EYS: variants seen among roughly 807,000 people sequenced by gnomAD.
EYS encodes EGF-like photoreceptor maintenance factor, also known as protein eyes shut homolog.
Under a neutral mutation model 282.1 loss-of-function variants are expected in EYS, and 250 were observed. The ratio of observed to expected loss-of-function variants is 0.89; its 90% CI spans 0.80 to 0.98. The LOEUF is 0.98. Ranked by LOEUF, EYS falls within the 50% of genes least tolerant of loss-of-function variation. The probability of loss-of-function intolerance (pLI) is 0.00; values close to 1 mark genes in which losing one functional copy is unlikely to be tolerated. For missense variants in EYS, 4,016 were observed against 3,709.0 expected, an observed-to-expected ratio of 1.08 and a Z score of -2.15; for synonymous variants, 1,355 against 1,282.9, an observed-to-expected ratio of 1.06 and a Z score of -1.20.
intron 12 of EYS, among the ~76,000 whole-genome samples, chr6:65,096,973 CA>C (rs1297385886): frequency 6.7e-6 from 1 of 150,230 alleles, no homozygotes; most frequent in East Asian, 1.9e-4. Flanking sequence ...AAAGAACAGC[CA>C]AAACAATAGC....
chr6:64,186,383 T>A (rs1764947840), intron 31 of EYS, among the ~76,000 whole-genome samples: 1 of 152,108 alleles, frequency 6.6e-6, no homozygotes, highest in Non-Finnish European at 1.5e-5. Context: ...TTGCAACTTC[T>A]TTGTTACATT....
At chr6:65,312,770 C>T (rs1769194919) in intron 11 of EYS, among the ~76,000 whole-genome samples, 1 of 152,178 alleles carries the variant, frequency 6.6e-6, no homozygotes, top group South Asian at 2.1e-4. Flanking sequence ...AACATGGGGG[C>T]AGAGCTTCAA....
intron 15 of EYS, among the ~76,000 whole-genome samples, chr6:64,924,189 C>T (rs1004805473): frequency 2.6e-5 from 4 of 152,184 alleles, no homozygotes; most frequent in Non-Finnish European, 5.9e-5. Context: ...ACTTCTGTGC[C>T]CCCAGAGGCT....
At chr6:63,941,550 A>T (rs1252684191) in intron 35 of EYS, among the ~76,000 whole-genome samples, 1 of 152,056 alleles carries the variant, frequency 6.6e-6, no homozygotes, top group East Asian at 1.9e-4. Context: ...TTTCTTGTAA[A>T]TTTGTTTAAG....
chr6:64,776,266 T>C (rs1045454406), intron 22 of EYS, among the ~76,000 whole-genome samples: 11 of 152,076 alleles, frequency 7.2e-5, no homozygotes, highest in African/African-American at 2.7e-4. Flanking sequence ...ATGCTTTTCC[T>C]ATTTCCCTGG....
intron 31 of EYS, among the ~76,000 whole-genome samples, chr6:64,142,451 G>T (rs988138839): frequency 6.6e-6 from 1 of 151,998 alleles, no homozygotes; most frequent in Non-Finnish European, 1.5e-5. Context: ...GGAAAACATG[G>T]CCAGGTCAGT....
chr6:64,650,861 A>G (rs1768531149), intron 22 of EYS, among the ~76,000 whole-genome samples: 1 of 152,122 alleles, frequency 6.6e-6, no homozygotes, highest in South Asian at 2.1e-4. Flanking sequence ...TTATACACAT[A>G]TCTTTGAAAA....
intron 22 of EYS, among the ~76,000 whole-genome samples, chr6:64,732,051 TAACA>T (rs999422020): frequency 4.0e-5 from 6 of 151,738 alleles, no homozygotes; most frequent in African/African-American, 1.5e-4. Context: ...CTCAGCAAAC[TAACA>T]GAGGAACAGA....
At chr6:64,518,510 C>T (rs2150523872) in intron 26 of EYS, among the ~76,000 whole-genome samples, 1 of 151,844 alleles carries the variant, frequency 6.6e-6, no homozygotes, top group South Asian at 2.1e-4. Context: ...TCCCCCTTTA[C>T]CATATAATTA....
intron 19 of EYS, among the ~76,000 whole-genome samples, chr6:64,848,226 C>G (rs1765775512): frequency 3.3e-5 from 5 of 151,920 alleles, no homozygotes; most frequent in Admixed American, 3.3e-4. Context: ...GCTCATGTAA[C>G]TTTTCCTCTT....
chr6:63,934,370 AC>A (rs1236319553), intron 35 of EYS, among the ~76,000 whole-genome samples: 1 of 151,950 alleles, frequency 6.6e-6, no homozygotes, highest in Non-Finnish European at 1.5e-5. Flanking sequence ...AACTAGAAAT[AC>A]CATTTGACCC....
chr6:64,798,980 T>C (rs2150006270), intron 22 of EYS, among the ~76,000 whole-genome samples: 1 of 151,996 alleles, frequency 6.6e-6, no homozygotes, highest in East Asian at 1.9e-4. Context: ...TTGCAGTACT[T>C]GGCACTTTGT....
At chr6:64,718,926 T>A (rs141376057) in intron 22 of EYS, among the ~76,000 whole-genome samples, 1 of 152,188 alleles carries the variant, frequency 6.6e-6, no homozygotes, top group Non-Finnish European at 1.5e-5. Flanking sequence ...CCAATGTAAT[T>A]AAGACTTTGG....
At chr6:64,892,861 GT>G (rs751482136) in intron 18 of EYS, among the ~76,000 whole-genome samples, 18 of 152,028 alleles carry the variant, frequency 1.2e-4, no homozygotes, top group Non-Finnish European at 2.2e-4. Flanking sequence ...TTGTCTTTTG[GT>G]TAAATGCATA....
intron 24 of EYS, among the ~76,000 whole-genome samples, chr6:64,603,099 G>A (rs544815418): frequency 1.3e-5 from 2 of 152,142 alleles, no homozygotes; most frequent in South Asian, 4.1e-4. Flanking sequence ...ACAAGATAGT[G>A]CCTCCAGGTT....
intron 2 of EYS, among the ~76,000 whole-genome samples, chr6:65,558,385 G>A (rs1297346990): frequency 1.3e-5 from 2 of 152,248 alleles, no homozygotes; most frequent in African/African-American, 2.4e-5. Flanking sequence ...CTCTGCACTG[G>A]AGCAGGCATT....
chr6:64,914,803 T>G (rs180705207), intron 15 of EYS, among the ~76,000 whole-genome samples: 1 of 152,262 alleles, frequency 6.6e-6, no homozygotes, highest in Non-Finnish European at 1.5e-5. Context: ...TTCACAGCTG[T>G]CTAAATTTTT....
intron 33 of EYS, among the ~76,000 whole-genome samples, chr6:64,040,266 T>C (rs1770323993): frequency 6.6e-6 from 1 of 152,178 alleles, no homozygotes. Flanking sequence ...GGTAATGTGG[T>C]GATATATGGA....
At chr6:63,728,621 C>G (rs974284071) in intron 41 of EYS, among the ~76,000 whole-genome samples, 1 of 152,144 alleles carries the variant, frequency 6.6e-6, no homozygotes, top group Non-Finnish European at 1.5e-5. Context: ...TCACTCTTCA[C>G]GTACATTCTA....
Sources: gnomAD v4.1 joint callset for allele counts (sites outside exome capture counted in the v4.1 genomes callset) on GRCh38, gnomAD v4.1.1 for gene constraint, MANE v1.5 for transcripts, NCBI Gene and HGNC (gene_info 2026-07-23, HGNC 2026-07-21) for gene names.